Variants in CDYL2 observed in about 807,000 individuals in gnomAD.
CDYL2 encodes the protein chromodomain Y-like protein 2.
In CDYL2, 23 loss-of-function variants were observed where a neutral mutation model predicts 49.4. That is an observed-to-expected ratio of 0.47 (90% confidence interval 0.34 to 0.66). The LOEUF (loss-of-function observed/expected upper bound fraction) is 0.66, where lower values mean the gene tolerates loss of function less well. Ranked by LOEUF, CDYL2 falls within the 30% of genes least tolerant of loss-of-function variation. The pLI is 0.01. For missense variants in CDYL2, 678 were observed against 656.4 expected (o/e 1.03, Z -0.36); for synonymous variants, 360 against 268.8 (o/e 1.34, Z -3.32).
chr16:80,675,504 A>G (rs563766561), intron 2 of CDYL2, among the ~76,000 whole-genome samples: 8 of 152,144 alleles, frequency 5.3e-5, no homozygotes, highest in Non-Finnish European at 4.4e-5. Flanking sequence ...CACCACCACC[A>G]CCGCTGCCAC....
chr16:80,740,941 C>G (rs112036651), intron 1 of CDYL2, among the ~76,000 whole-genome samples: 1 of 151,218 alleles, frequency 6.6e-6, no homozygotes, highest in African/African-American at 2.4e-5. Flanking sequence ...CAACTTAAAG[C>G]AATTTCAATC....
chr16:80,639,462 T>C (rs1907983079), intron 2 of CDYL2, among the ~76,000 whole-genome samples: 1 of 152,162 alleles, frequency 6.6e-6, no homozygotes, highest in South Asian at 2.1e-4. Flanking sequence ...TGTCCTTTAA[T>C]AAGTGAAGGG....
chr16:80,675,882 C>A (rs1909724679), intron 2 of CDYL2, among the ~76,000 whole-genome samples: 1 of 152,108 alleles, frequency 6.6e-6, no homozygotes, highest in African/African-American at 2.4e-5. Flanking sequence ...TAGCCATGAG[C>A]AAACAGTGCC....
intron 2 of CDYL2, among the ~76,000 whole-genome samples, chr16:80,636,546 C>A (rs997500711): frequency 6.6e-6 from 1 of 152,164 alleles, no homozygotes; most frequent in Non-Finnish European, 1.5e-5. Flanking sequence ...ATTAAGAAGT[C>A]AGGAAACAAC....
At chr16:80,630,021 T>C (rs754604346) in intron 3 of CDYL2, among the ~76,000 whole-genome samples, 7 of 152,226 alleles carry the variant, frequency 4.6e-5, no homozygotes, top group South Asian at 2.1e-4. Flanking sequence ...GGTAACAGCA[T>C]GGTAAGTTGA....
intron 2 of CDYL2, among the ~76,000 whole-genome samples, chr16:80,656,030 C>A (rs1424514571): frequency 2.0e-5 from 3 of 152,190 alleles, no homozygotes; most frequent in African/African-American, 7.2e-5. Context: ...AGCAAGGAAG[C>A]CACACGAGCT....
chr16:80,761,233 G>C (rs2142383270), intron 1 of CDYL2, among the ~76,000 whole-genome samples: 1 of 152,188 alleles, frequency 6.6e-6, no homozygotes, highest in South Asian at 2.1e-4. Flanking sequence ...GATTCTGGTG[G>C]GGCTCCAGGT....
intron 2 of CDYL2, among the ~76,000 whole-genome samples, chr16:80,635,756 G>A (rs1157584180): frequency 6.6e-6 from 1 of 152,136 alleles, no homozygotes; most frequent in African/African-American, 2.4e-5. Context: ...GTATAGCCAA[G>A]GCAATCCTAA....
intron 2 of CDYL2, among the ~76,000 whole-genome samples, chr16:80,657,466 C>G (rs1318781838): frequency 6.6e-6 from 1 of 152,030 alleles, no homozygotes; most frequent in Non-Finnish European, 1.5e-5. Context: ...AAAAAATGAA[C>G]AAAAGACAGA....
At chr16:80,766,272 A>G (rs1197582249) in intron 1 of CDYL2, among the ~76,000 whole-genome samples, 1 of 152,072 alleles carries the variant, frequency 6.6e-6, no homozygotes, top group Non-Finnish European at 1.5e-5. Context: ...TCTCAATACA[A>G]CTTTTATTGA....
chr16:80,652,281 A>C (rs1409451472), intron 2 of CDYL2, among the ~76,000 whole-genome samples: 2 of 152,200 alleles, frequency 1.3e-5, no homozygotes, highest in African/African-American at 4.8e-5. Flanking sequence ...GCAACAACAA[A>C]AAAAATCTGC....
intron 2 of CDYL2, among the ~76,000 whole-genome samples, chr16:80,671,989 G>A (rs1470335166): frequency 1.3e-5 from 2 of 152,176 alleles, no homozygotes; most frequent in Non-Finnish European, 2.9e-5. Flanking sequence ...TCCAAAATGT[G>A]TGGGATCACA....
At chr16:80,609,903 G>T (rs1350390658) in intron 5 of CDYL2, among the ~76,000 whole-genome samples, 1 of 152,094 alleles carries the variant, frequency 6.6e-6, no homozygotes, top group African/African-American at 2.4e-5. Flanking sequence ...CATAAACATA[G>T]TTTAGTCACT....
At chr16:80,784,616 A>C (rs867155207) in intron 1 of CDYL2, among the ~76,000 whole-genome samples, 8 of 152,192 alleles carry the variant, frequency 5.3e-5, no homozygotes, top group Non-Finnish European at 1.0e-4. Context: ...ACCTGAAGGA[A>C]AAATGTCTGC....
At chr16:80,674,437 A>ATTT in intron 2 of CDYL2, among the ~76,000 whole-genome samples, 2 of 126,076 alleles carry the variant, frequency 1.6e-5, no homozygotes, top group Non-Finnish European at 3.7e-5. Context: ...CTTTTTTTTA[A>ATTT]AACAAAAACA....
intron 2 of CDYL2, among the ~76,000 whole-genome samples, chr16:80,635,347 C>T (rs1907770721): frequency 6.6e-6 from 1 of 152,154 alleles, no homozygotes; most frequent in Non-Finnish European, 1.5e-5. Flanking sequence ...TCTCCTTAAG[C>T]TCATAAACAA....
chr16:80,781,223 C>T (rs1370392324), intron 1 of CDYL2, among the ~76,000 whole-genome samples: 1 of 152,202 alleles, frequency 6.6e-6, no homozygotes, highest in Non-Finnish European at 1.5e-5. Context: ...TTACTGGGAA[C>T]TGTTCGTATG....
intron 1 of CDYL2, among the ~76,000 whole-genome samples, chr16:80,697,547 A>T (rs544515983): frequency 6.6e-6 from 1 of 152,314 alleles, no homozygotes; most frequent in East Asian, 1.9e-4. Context: ...CTCTTACTCA[A>T]CATAGTATTG....
chr16:80,713,592 G>A (rs1373805021), intron 1 of CDYL2, among the ~76,000 whole-genome samples: 1 of 152,098 alleles, frequency 6.6e-6, no homozygotes, highest in Non-Finnish European at 1.5e-5. Context: ...CTATGGCTGG[G>A]TGTGGGTATT....
Sources: allele counts gnomAD v4.1 joint callset (sites outside exome capture counted in the v4.1 genomes callset), GRCh38; gene constraint gnomAD v4.1.1; transcripts MANE v1.5; gene names NCBI Gene and HGNC (gene_info 2026-07-23, HGNC 2026-07-21).